The following BICD1 variants were observed in gnomAD, a reference collection of about 807,000 sequenced individuals.
BICD1 encodes the protein BICD cargo adaptor 1, also known as protein bicaudal D homolog 1.
BICD1 carries 35 observed loss-of-function variants against 92.5 expected under a neutral mutation model. The ratio of observed to expected loss-of-function variants is 0.38; its 90% confidence interval spans 0.29 to 0.50. BICD1 has a LOEUF of 0.50. Among genes scored for constraint, BICD1 ranks in the 20% least tolerant of loss-of-function variants. The probability of loss-of-function intolerance (pLI) is 0.93; values close to 1 mark genes in which losing one functional copy is unlikely to be tolerated. For missense variants in BICD1, 950 were observed against 1,189.8 expected (o/e 0.80, Z 2.97); for synonymous variants, 429 against 465.1 (o/e 0.92, Z 1.00).
At chr12:32,375,096 T>A (rs78522610) in intron 9 of BICD1, among the ~76,000 whole-genome samples, 85,723 of 149,718 alleles carry the variant, frequency 0.57, 25,670 homozygotes, top group African/African-American at 0.76. Context: ...TTTTTTTTTT[T>A]AATTATTTTT....
chr12:32,185,158 T>A (rs934315758), intron 1 of BICD1, among the ~76,000 whole-genome samples: 4 of 152,174 alleles, frequency 2.6e-5, no homozygotes, highest in African/African-American at 7.2e-5. Context: ...GGGAGGTAAT[T>A]TCACAAGCAA....
At position 32,305,893 on chromosome 12, in the gene BICD1, A is replaced by G. The variant is rs747806024; in HGVS notation, c.776A>G (p.Asn259Ser). 3.1e-6 allele frequency: 5 copies of G among 1,614,094 alleles called. No homozygotes were observed. The Admixed American group carries it at 5.0e-5, about 16-fold the overall frequency. The change falls in exon 4 of 10, where the codon AAT becomes AGT. Residue 259 changes from asparagine (N) to serine (S), a missense_variant. By Grantham distance (46) the Asn-to-Ser change is conservative (BLOSUM62 1). Coordinates refer to ENST00000652176, the MANE Select transcript of BICD1 (RefSeq NM_001714.4). ...GAGCTCTCCCAGTATATCAGCCTCA[A>G]TGATAACCATATCAGCATCTCAGTA... ...RKELSQYISL[N>S]DNHISISVDG...
chr12:32,138,165 G>C (rs1453552016), intron 1 of BICD1, among the ~76,000 whole-genome samples: 1 of 152,202 alleles, frequency 6.6e-6, no homozygotes, highest in African/African-American at 2.4e-5. Flanking sequence ...TATTGTGCTA[G>C]ATATTTAATA....
intron 2 of BICD1, among the ~76,000 whole-genome samples, chr12:32,217,834 C>T (rs1945403896): frequency 6.6e-6 from 1 of 152,180 alleles, no homozygotes; most frequent in Non-Finnish European, 1.5e-5. Flanking sequence ...CCAAAGCCCA[C>T]CATTCTGGAT....
intron 1 of BICD1, among the ~76,000 whole-genome samples, chr12:32,161,624 G>C (rs557389814): frequency 1.3e-5 from 2 of 152,304 alleles, no homozygotes; most frequent in East Asian, 3.9e-4. Flanking sequence ...GGTATCCACT[G>C]CCCAGGGAAT....
rs546176218 is a variant in BICD1 at position 32,374,024 on chromosome 12, G to A, written c.2841-3516G>A. ...AGGTCAGGAGTTCGAGACCAGCCTG[G>A]GCAACATGGTGAAACTCTGTCTCTA... On this transcript the variant is annotated intron_variant, in intron 9 of 9. Coordinates refer to ENST00000652176, the MANE Select transcript of BICD1 (RefSeq NM_001714.4). Among the ~76,000 whole-genome samples, 18 of 151,694 alleles carry A rather than the reference G, an allele frequency of 1.2e-4. No individual in the cohort carries two copies. The East Asian group carries it at 3.5e-3, about 30-fold the overall frequency.
chr12:32,295,095 A>AG (rs1159977230), intron 3 of BICD1, among the ~76,000 whole-genome samples: 1 of 116,412 alleles, frequency 8.6e-6, no homozygotes, highest in Non-Finnish European at 2.0e-5. Flanking sequence ...AAAAAAAAAA[A>AG]AAAAGAAAAA....
chr12:32,234,451 G>A (rs1255769582), intron 2 of BICD1, among the ~76,000 whole-genome samples: 1 of 151,894 alleles, frequency 6.6e-6, no homozygotes, highest in Non-Finnish European at 1.5e-5. Context: ...TACAAAATTA[G>A]CCAGGTGTGG....
rs1345383953 is a variant in BICD1 at position 32,262,285 on chromosome 12, G to C, written c.427-31709G>C. 2.0e-5 allele frequency among the ~76,000 whole-genome samples: 3 copies of C among 151,904 alleles called. No individual in the cohort carries two copies. In the South Asian group the frequency reaches 6.2e-4, roughly 32 times the overall value. On this transcript the variant is annotated intron_variant, in intron 2 of 9. Transcript: ENST00000652176. ...GTCTACATCTGAGCCTGAAATTGGA[G>C]AGTCCTTGGCTACTCTATAATCTGA...
At chr12:32,316,490 G>A (rs957767590) in intron 4 of BICD1, among the ~76,000 whole-genome samples, 2 of 151,468 alleles carry the variant, frequency 1.3e-5, no homozygotes, top group East Asian at 2.0e-4. Flanking sequence ...TAGTAGAGAC[G>A]GAGTTTCACC....
intron 2 of BICD1, among the ~76,000 whole-genome samples, chr12:32,222,501 C>G (rs1945561915): frequency 6.6e-6 from 1 of 152,188 alleles, no homozygotes; most frequent in Non-Finnish European, 1.5e-5. Context: ...AGGCCATGAT[C>G]TGAACTCAGG....
At chr12:32,159,341 A>C (rs1377747954) in intron 1 of BICD1, among the ~76,000 whole-genome samples, 2 of 152,210 alleles carry the variant, frequency 1.3e-5, no homozygotes, top group African/African-American at 4.8e-5. Flanking sequence ...TCTGCTCTTC[A>C]GGCATGCTGA....
chr12:32,237,093 T>C (rs367688775), intron 2 of BICD1, among the ~76,000 whole-genome samples: 2 of 152,100 alleles, frequency 1.3e-5, no homozygotes, highest in South Asian at 4.2e-4. Context: ...GCCAGGATGG[T>C]CTCGATCTGA....
At chr12:32,191,008 A>G (rs911535699) in intron 1 of BICD1, among the ~76,000 whole-genome samples, 1 of 152,226 alleles carries the variant, frequency 6.6e-6, no homozygotes, top group South Asian at 2.1e-4. Flanking sequence ...AGAAGAAATC[A>G]AAAGAGAGAT....
chr12:32,314,640 T>C lies in BICD1; in HGVS notation c.1005+8518T>C, dbSNP rs371496357. ...CTTTTTATTTCTGAGTTGAAAGTGTTCTTTACTGATTTGGATACAAATCCC... is the reference window on the plus strand; with the variant it reads ...CTTTTTATTTCTGAGTTGAAAGTGTCCTTTACTGATTTGGATACAAATCCC... On this transcript the variant is annotated intron_variant, in intron 4 of 9. Transcript: ENST00000652176. Among the ~76,000 whole-genome samples, 5 of 152,364 alleles carry C rather than the reference T, an allele frequency of 3.3e-5. No individual in the cohort carries two copies. In the South Asian group the frequency reaches 6.2e-4, roughly 19 times the overall value.
chr12:32,310,406 G>A (rs1445461820), intron 4 of BICD1, among the ~76,000 whole-genome samples: 1 of 151,914 alleles, frequency 6.6e-6, no homozygotes, highest in Non-Finnish European at 1.5e-5. Context: ...GTAACTGGGG[G>A]TTTTTGTGAG....
intron 9 of BICD1, among the ~76,000 whole-genome samples, chr12:32,374,350 C>G (rs972254618): frequency 2.6e-5 from 4 of 151,832 alleles, no homozygotes; most frequent in African/African-American, 9.7e-5. Context: ...CTGGTGCTGA[C>G]TTCCACAGCA....
At chr12:32,148,838 G>A (rs2121418504) in intron 1 of BICD1, among the ~76,000 whole-genome samples, 1 of 152,202 alleles carries the variant, frequency 6.6e-6, no homozygotes, top group South Asian at 2.1e-4. Flanking sequence ...TAGGCAACAT[G>A]GTGAAACCCT....
intron 8 of BICD1, among the ~76,000 whole-genome samples, chr12:32,341,948 A>G (rs1171020651): frequency 6.6e-6 from 1 of 151,844 alleles, no homozygotes; most frequent in Non-Finnish European, 1.5e-5. Context: ...CTTATGTTCT[A>G]TATAAGAAAT....
Sources: allele counts gnomAD v4.1 joint callset (sites outside exome capture counted in the v4.1 genomes callset), GRCh38; gene constraint gnomAD v4.1.1; transcripts MANE v1.5; gene names NCBI Gene and HGNC (gene_info 2026-07-23, HGNC 2026-07-21).